The following RBFOX1 variants were observed in gnomAD, a reference collection of about 807,000 sequenced individuals.
RBFOX1 encodes RNA binding protein fox-1 homolog 1.
In RBFOX1, 8 loss-of-function variants were observed where a neutral mutation model predicts 57.7. The observed-to-expected ratio is 0.14, with a 90% CI of 0.08 to 0.25. The LOEUF (loss-of-function observed/expected upper bound fraction) is 0.25. Ranked by LOEUF, RBFOX1 falls within the 10% of genes least tolerant of loss-of-function variation. The pLI, the probability that RBFOX1 is intolerant of heterozygous loss-of-function variation, is 1.00. For missense variants in RBFOX1, 611 were observed against 548.5 expected, an observed-to-expected ratio of 1.11 and a Z score of -1.14; for synonymous variants, 326 against 222.4, an observed-to-expected ratio of 1.47 and a Z score of -4.15.
chr16:5,248,987 C>CAAAAAA (rs56146545), intron 1 of RBFOX1, among the ~76,000 whole-genome samples: 15 of 63,338 alleles, frequency 2.4e-4, no homozygotes, highest in Non-Finnish European at 2.7e-4. Flanking sequence ...GACTCCATCT[C>CAAAAAA]AAAAAAAAAA....
intron 4 of RBFOX1, among the ~76,000 whole-genome samples, chr16:7,390,517 A>T (rs1277001107): frequency 6.6e-6 from 1 of 152,202 alleles, no homozygotes; most frequent in African/African-American, 2.4e-5. Flanking sequence ...CTTCTTCACA[A>T]AATTGTAAAG....
chr16:7,536,542 C>G (rs2081513606), intron 5 of RBFOX1, among the ~76,000 whole-genome samples: 4 of 152,132 alleles, frequency 2.6e-5, no homozygotes, highest in Admixed American at 2.0e-4. Flanking sequence ...TGCAGTGAGC[C>G]AAGATGGCAC....
intron 3 of RBFOX1, among the ~76,000 whole-genome samples, chr16:6,711,276 C>A (rs143980282): frequency 2.6e-5 from 4 of 152,210 alleles, no homozygotes; most frequent in South Asian, 2.1e-4. Flanking sequence ...TCCACACGCC[C>A]CTCCCCCCAT....
At position 6,627,094 on chromosome 16, in the gene RBFOX1, C is replaced by T. The variant is rs149113531; in HGVS notation, c.-63-27509C>T. The stretch of plus-strand genomic sequence containing the variant: ...GCGGTCTGGCTCTAAAATCCATGGC[C>T]GCTGAACACAAAGTCCTATTGTGCC... On this transcript the variant is annotated intron_variant, in intron 2 of 15. Transcript: ENST00000550418. Among the ~76,000 whole-genome samples, 456 of 152,302 alleles carry T rather than the reference C, an allele frequency of 3.0e-3. 3 individuals are homozygous for T. The highest frequency in any genetic ancestry group is 8.7e-3 in the South Asian group (42 of 4,818).
intron 1 of RBFOX1, among the ~76,000 whole-genome samples, chr16:5,377,950 T>A (rs2066029757): frequency 6.6e-6 from 1 of 151,590 alleles, no homozygotes; most frequent in Non-Finnish European, 1.5e-5. Flanking sequence ...CCTATTCAGG[T>A]AATTTTCTTT....
chr16:7,491,895 C>G (rs566567880), intron 4 of RBFOX1, among the ~76,000 whole-genome samples: 4 of 152,244 alleles, frequency 2.6e-5, no homozygotes, highest in Admixed American at 2.0e-4. Flanking sequence ...GCCAATCTTC[C>G]AAATCTGGCT....
At chr16:5,864,786 G>T (rs755005209) in intron 3 of RBFOX1, among the ~76,000 whole-genome samples, 13 of 152,060 alleles carry the variant, frequency 8.5e-5, no homozygotes, top group Non-Finnish European at 1.5e-4. Context: ...ACCGTGTTTT[G>T]CCTGGGAAAA....
intron 1 of RBFOX1, among the ~76,000 whole-genome samples, chr16:6,178,691 G>T (rs1435913055): frequency 1.3e-5 from 2 of 152,160 alleles, no homozygotes; most frequent in South Asian, 2.1e-4. Flanking sequence ...AGGGTATCTA[G>T]TCTACCTTCT....
chr16:6,007,111 C>T (rs1420624577), intron 4 of RBFOX1, among the ~76,000 whole-genome samples: 1 of 152,182 alleles, frequency 6.6e-6, no homozygotes, highest in Non-Finnish European at 1.5e-5. Context: ...GACAGTCACC[C>T]TCTAAGATGG....
At position 7,150,808 on chromosome 16, in the gene RBFOX1, A is replaced by T. The variant is rs528379556; in HGVS notation, c.27+98710A>T. Among the ~76,000 whole-genome samples the T allele has an allele frequency of 2.6e-5, 4 of 152,332 alleles. No homozygotes were observed. In the South Asian group the frequency reaches 8.3e-4, roughly 32 times the overall value. ...GGGTTATTAATAATTTACTCAATCT[A>T]TTGATGCTTGTTAATTGAAGTCGCT... is the stretch of plus-strand genomic sequence containing the variant. On this transcript the variant is annotated intron_variant, in intron 4 of 15. Coordinates refer to ENST00000550418, the MANE Select transcript of RBFOX1 (RefSeq NM_018723.4).
At chr16:6,945,134 G>A (rs2079244412) in intron 3 of RBFOX1, among the ~76,000 whole-genome samples, 1 of 152,088 alleles carries the variant, frequency 6.6e-6, no homozygotes, top group Admixed American at 6.6e-5. Context: ...CAGAGGTAGG[G>A]GCACAGTACA....
chr16:6,408,919 T>C (rs1316002399), intron 2 of RBFOX1, among the ~76,000 whole-genome samples: 1 of 152,242 alleles, frequency 6.6e-6, no homozygotes, highest in African/African-American at 2.4e-5. Context: ...CATGAATTTC[T>C]ATTTTATCAT....
chr16:6,799,163 A>G (rs1260121203), intron 3 of RBFOX1, among the ~76,000 whole-genome samples: 1 of 152,132 alleles, frequency 6.6e-6, no homozygotes, highest in Non-Finnish European at 1.5e-5. Context: ...AGCTTTGCTC[A>G]GGAAAGAATT....
intron 2 of RBFOX1, among the ~76,000 whole-genome samples, chr16:6,571,794 G>T (rs1171825479): frequency 6.6e-6 from 1 of 152,196 alleles, no homozygotes; most frequent in African/African-American, 2.4e-5. Flanking sequence ...TATTTTTTGA[G>T]TGAATTAATT....
At chr16:7,116,565 C>T (rs560660891) in intron 4 of RBFOX1, among the ~76,000 whole-genome samples, 1 of 152,096 alleles carries the variant, frequency 6.6e-6, no homozygotes, top group African/African-American at 2.4e-5. Flanking sequence ...TAAATGAGTC[C>T]ATTAAAGCTT....
chr16:7,513,485 G>A (rs955725696), intron 4 of RBFOX1, among the ~76,000 whole-genome samples: 1 of 152,082 alleles, frequency 6.6e-6, no homozygotes, highest in Non-Finnish European at 1.5e-5. Flanking sequence ...TGAAAAGTAG[G>A]GATTCTGGAC....
intron 2 of RBFOX1, among the ~76,000 whole-genome samples, chr16:6,440,178 G>A (rs12446086): frequency 0.023 from 3,524 of 151,824 alleles, 68 homozygotes; most frequent in Middle Eastern, 0.038. Context: ...CTCGTGATTC[G>A]TCCGCCTCAG....
At position 6,656,793 on chromosome 16, in the gene RBFOX1, G is replaced by C. The variant is rs139062513; in HGVS notation, c.-16+2143G>C. ...AATTGGTGATGCATCTTAGTGATAA[G>C]AAAAAATAATGCCCAGTTAAAATTC... On this transcript the variant is annotated intron_variant, in intron 3 of 15. Coordinates refer to ENST00000550418, the MANE Select transcript of RBFOX1 (RefSeq NM_018723.4). 4.9e-3 allele frequency among the ~76,000 whole-genome samples: 739 copies of C among 152,102 alleles called. 10 individuals carry two copies. The highest frequency in any genetic ancestry group is 0.016 in the African/African-American group (670 of 41,494).
At chr16:6,970,375 A>G (rs991341866) in intron 3 of RBFOX1, among the ~76,000 whole-genome samples, 1 of 152,182 alleles carries the variant, frequency 6.6e-6, no homozygotes, top group African/African-American at 2.4e-5. Context: ...GTTGCAAGAC[A>G]GGTAGTGCAG....
Sources: gnomAD v4.1 joint callset for allele counts (sites outside exome capture counted in the v4.1 genomes callset) on GRCh38, gnomAD v4.1.1 for gene constraint, MANE v1.5 for transcripts, NCBI Gene and HGNC (gene_info 2026-07-23, HGNC 2026-07-21) for gene names.